Variants in SPTLC2 observed in about 807,000 individuals in gnomAD.
SPTLC2 encodes the protein serine palmitoyltransferase long chain base subunit 2.
A neutral mutation model predicts 62.0 loss-of-function variants in SPTLC2; 21 were observed. That is an observed-to-expected ratio of 0.34 (90% confidence interval 0.24 to 0.49). The LOEUF is 0.49. SPTLC2 is among the 20% of genes least tolerant of loss of function. The probability of loss-of-function intolerance (pLI) is 0.99; values close to 1 mark genes in which losing one functional copy is unlikely to be tolerated. For synonymous variants in SPTLC2, 261 were observed against 261.8 expected, an observed-to-expected ratio of 1.00 and a Z score of 0.03; for missense variants, 511 against 713.0, an observed-to-expected ratio of 0.72 and a Z score of 3.23.
Position 77,525,590 on chromosome 14 carries a change from G to GAA in SPTLC2, c.1304-4011_1304-4010dup, listed in dbSNP as rs34294932. On this transcript the variant is annotated intron_variant, in intron 9 of 11. Coordinates refer to ENST00000216484, the MANE Select transcript of SPTLC2 (RefSeq NM_004863.4). Reference sequence around the variant, plus strand: ...GGCAATAAGAGTGAAACTCCGTCTCGAAAAAAAAAAAGAAAAATTAAAAAA... The same window carrying GAA: ...GGCAATAAGAGTGAAACTCCGTCTCGAAAAAAAAAAAAAGAAAAATTAAAAAA... 2.9e-3 allele frequency among the ~76,000 whole-genome samples: 411 copies of GAA among 140,138 alleles called. 1 individual carries two copies. The highest frequency in any genetic ancestry group is 0.015 in the Middle Eastern group (4 of 272). 91.9% of individuals were successfully genotyped at this position (140,138 alleles called of 152,430 possible).
chr14:77,510,129 AT>A lies in SPTLC2; in HGVS notation c.*2154del, dbSNP rs1354270097. 7.6e-6 allele frequency: 3 copies of A among 393,660 alleles called. No individual in the cohort carries two copies. The highest frequency in any genetic ancestry group is 6.2e-5 in the African/African-American group (3 of 48,542). The allele number at this position is 393,660 out of a possible 1,614,324, so 24.4% of individuals were successfully genotyped here. On this transcript the variant is annotated 3_prime_UTR_variant, in exon 12 of 12. Coordinates refer to ENST00000216484, the MANE Select transcript of SPTLC2 (RefSeq NM_004863.4). ...ATGTATTTGATTTTATAGGACTCCT[AT>A]TTAGTTACCACAACCTCCTTCTTAC...
At chr14:77,557,387 C>T (rs2079590467) in intron 6 of SPTLC2, 1 of 520,296 alleles carries the variant, frequency 1.9e-6, no homozygotes. Context: ...GTGGCTAACT[C>T]AGTTCATTAG....
intron 1 of SPTLC2, among the ~76,000 whole-genome samples, chr14:77,602,137 A>T (rs2079881413): frequency 6.6e-6 from 1 of 152,074 alleles, no homozygotes; most frequent in Non-Finnish European, 1.5e-5. Context: ...TCTCTAGTGA[A>T]TTCTCATCTA....
chr14:77,612,793 A>G (rs1233481204), intron 1 of SPTLC2, among the ~76,000 whole-genome samples: 1 of 152,194 alleles, frequency 6.6e-6, no homozygotes, highest in African/African-American at 2.4e-5. Flanking sequence ...TTTGCTTATT[A>G]TTTAACATAA....
rs2079323268 is a variant in SPTLC2 at position 77,509,810 on chromosome 14, CAGG to C, written c.*2471_*2473del. 7.5e-6 allele frequency: 3 copies of C among 398,094 alleles called. No individual in the cohort carries two copies. The highest frequency in any genetic ancestry group is 4.4e-5 in the Admixed American group (1 of 22,712). The allele number at this position is 398,094 out of a possible 1,614,324, so 24.7% of individuals were successfully genotyped here. A position where few individuals can be genotyped will look rare whatever the true frequency, so the allele number is the denominator to read the frequency against. On this transcript the variant is annotated 3_prime_UTR_variant, in exon 12 of 12. Coordinates refer to ENST00000216484, the MANE Select transcript of SPTLC2 (RefSeq NM_004863.4). ...AAGTACAGAGGTCCTGCATAGATCA[CAGG>C]AGATTTGTCTCTTCAAAATAAACTT... is the stretch of plus-strand genomic sequence containing the variant.
At position 77,576,826 on chromosome 14, in the gene SPTLC2, G is replaced by A. The variant is rs1318660633; in HGVS notation, c.572C>T (p.Ala191Val). Residue 191 changes from alanine to valine, a missense_variant, in exon 4 of 12, where the codon GCA becomes GTA. Coordinates refer to ENST00000216484, the MANE Select transcript of SPTLC2 (RefSeq NM_004863.4). Reference protein sequence around the residue: ...FARNTGSCQEAAAKVLEEYGA... With the variant: ...FARNTGSCQEVAAKVLEEYGA... ...ATACTCCTCAAGGACTTTGGCGGCT[G>A]CTTCTTGACATGATCCAGTATTCCG... 1.2e-6 allele frequency: 2 copies of A among 1,614,178 alleles called. No individual in the cohort carries two copies.
intron 1 of SPTLC2, among the ~76,000 whole-genome samples, chr14:77,605,649 A>C (rs1002607577): frequency 2.0e-5 from 3 of 152,234 alleles, no homozygotes; most frequent in African/African-American, 7.2e-5. Flanking sequence ...GAACTCCATC[A>C]AGAGAAAGAA....
chr14:77,554,389 C>T (rs1438170639), intron 8 of SPTLC2, among the ~76,000 whole-genome samples: 1 of 152,200 alleles, frequency 6.6e-6, no homozygotes, highest in Non-Finnish European at 1.5e-5. Context: ...GAAAGGAAAC[C>T]TCATACCCAT....
At position 77,561,728 on chromosome 14, in the gene SPTLC2, C is replaced by T. The variant is rs577382427; in HGVS notation, c.850+668G>A. Among the ~76,000 whole-genome samples, 3 of 152,220 alleles carry T rather than the reference C, an allele frequency of 2.0e-5. No homozygotes were observed. In the South Asian group the frequency reaches 6.2e-4, roughly 32 times the overall value. On this transcript the variant is annotated intron_variant, in intron 6 of 11. Coordinates refer to ENST00000216484, the MANE Select transcript of SPTLC2 (RefSeq NM_004863.4). Reference sequence around the variant, plus strand: ...AAAACAAAAACAAAAATGATGTTATCATCTATGATCCTTCCATCCACGGGT... The same window carrying T: ...AAAACAAAAACAAAAATGATGTTATTATCTATGATCCTTCCATCCACGGGT...
rs776914473 is a variant in SPTLC2 at position 77,555,367 on chromosome 14, A to G, written c.1109T>C (p.Val370Ala). Residue 370 changes from valine to alanine, a missense_variant, in exon 8 of 12, where the codon GTG (valine) becomes GCG (alanine). By Grantham distance (64) the Val-to-Ala change is moderately conservative (BLOSUM62 0). Coordinates refer to ENST00000216484, the MANE Select transcript of SPTLC2 (RefSeq NM_004863.4). ...TGTGAACGTTCCCATCATAACATCCACATCCTCGGGATCCAGGCCAAAGTA... is the reference window on the plus strand; with the variant it reads ...TGTGAACGTTCCCATCATAACATCCGCATCCTCGGGATCCAGGCCAAAGTA... ...VEYFGLDPED[V>A]DVMMGTFTKS... 1.9e-6 allele frequency: 3 copies of G among 1,614,026 alleles called. No homozygotes were observed. In the South Asian group the frequency reaches 3.3e-5, roughly 18 times the overall value.
At chr14:77,512,553 C>T in intron 11 of SPTLC2, 150 bp from the exon 12 acceptor site, 1 of 1,229,436 alleles carries the variant, frequency 8.1e-7, no homozygotes, top group Non-Finnish European at 1.2e-6. Context: ...TACAATACAG[C>T]TGTGGAAGGA....
At chr14:77,558,330 G>GC (rs11427941) in intron 6 of SPTLC2, among the ~76,000 whole-genome samples, 152,350 of 152,350 alleles carry the variant, frequency 1, 76,175 homozygotes, top group Non-Finnish European at 1. Context: ...ACAGGCGTGA[G>GC]CACCACGCCT....
At chr14:77,607,697 T>G (rs1261075941) in intron 1 of SPTLC2, among the ~76,000 whole-genome samples, 23 of 152,240 alleles carry the variant, frequency 1.5e-4, no homozygotes, top group Admixed American at 1.5e-3. Context: ...TTGTTATTCA[T>G]GTTATTAGCT....
chr14:77,548,598 G>A (rs900365953), intron 9 of SPTLC2, among the ~76,000 whole-genome samples: 1 of 152,202 alleles, frequency 6.6e-6, no homozygotes, highest in African/African-American at 2.4e-5. Context: ...TCCCTGGCCT[G>A]TGCTCAGTAT....
chr14:77,591,956 T>C (rs1456949168), intron 2 of SPTLC2, among the ~76,000 whole-genome samples: 1 of 151,872 alleles, frequency 6.6e-6, no homozygotes, highest in Non-Finnish European at 1.5e-5. Context: ...ACTCCTGACT[T>C]CAGGTGATCC....
intron 9 of SPTLC2, among the ~76,000 whole-genome samples, chr14:77,549,227 C>CAG (rs776171438): frequency 2.1e-5 from 3 of 142,842 alleles, no homozygotes; most frequent in Non-Finnish European, 4.6e-5. Context: ...GACTGCATCT[C>CAG]AAAAAAAAAA....
chr14:77,528,546 A>T (rs1291576292), intron 9 of SPTLC2, among the ~76,000 whole-genome samples: 2 of 151,822 alleles, frequency 1.3e-5, no homozygotes, highest in Non-Finnish European at 2.9e-5. Flanking sequence ...TTTTCTTCTT[A>T]AAGGTTATAT....
At chr14:77,579,633 C>T (rs2079736658) in intron 2 of SPTLC2, among the ~76,000 whole-genome samples, 1 of 152,106 alleles carries the variant, frequency 6.6e-6, no homozygotes, top group African/African-American at 2.4e-5. Context: ...GTAGTCCCAG[C>T]TACTCGGGAG....
At chr14:77,535,365 T>A (rs1353505014) in intron 9 of SPTLC2, among the ~76,000 whole-genome samples, 1 of 152,096 alleles carries the variant, frequency 6.6e-6, no homozygotes, top group African/African-American at 2.4e-5. Context: ...GGCCCACAGG[T>A]CTTCACTGAC....
Sources: gnomAD v4.1 joint callset for allele counts (sites outside exome capture counted in the v4.1 genomes callset) on GRCh38, gnomAD v4.1.1 for gene constraint, MANE v1.5 for transcripts, NCBI Gene and HGNC (gene_info 2026-07-23, HGNC 2026-07-21) for gene names.